JADE2: variants seen among roughly 807,000 people sequenced by gnomAD.
JADE2 encodes jade family PHD finger 2.
In JADE2, 13 loss-of-function variants were observed where a neutral mutation model predicts 85.7. That is an observed-to-expected ratio of 0.15 (90% CI 0.10 to 0.24). The LOEUF (loss-of-function observed/expected upper bound fraction) is 0.24, where lower values mean the gene tolerates loss of function less well. Ranked by LOEUF, JADE2 falls within the 10% of genes least tolerant of loss-of-function variation. The pLI, the probability that JADE2 is intolerant of heterozygous loss-of-function variation, is 1.00. For synonymous variants in JADE2, 440 were observed against 456.1 expected, an observed-to-expected ratio of 0.96 and a Z score of 0.45; for missense variants, 846 against 1,115.9, an observed-to-expected ratio of 0.76 and a Z score of 3.45.
At chr5:134,527,830 G>C (rs1366428036) in intron 1 of JADE2, among the ~76,000 whole-genome samples, 1 of 152,204 alleles carries the variant, frequency 6.6e-6, no homozygotes, top group Non-Finnish European at 1.5e-5. Flanking sequence ...GGCTGGGGGA[G>C]GTGAAGGGTC....
rs913665695 is a variant in JADE2 at position 134,576,843 on chromosome 5, C to CCT, written c.1628_1629insCT (p.Glu544LeufsTer7). 1.7e-5 allele frequency: 26 copies of CCT among 1,550,260 alleles called. No individual in the cohort carries two copies. Among genetic ancestry groups the CCT allele is most frequent in the Non-Finnish European group, 2.2e-5 (25 of 1,146,868 alleles). ...GGCTGCGAGGGCTCCAAGGGCAGCA[C>CCT]TGAGAAGAAAGAGAAAGTGAAGGCG... On this transcript the variant is annotated frameshift_variant, in exon 11 of 12. Coordinates refer to ENST00000681547, the MANE Select transcript of JADE2 (RefSeq NM_001388185.1). LOFTEE classifies it high-confidence loss of function.
At position 134,567,051 on chromosome 5, in the gene JADE2, C is replaced by T. The variant is rs1763687610; in HGVS notation, c.1434+471C>T. Among the ~76,000 whole-genome samples the T allele has an allele frequency of 2.0e-5, 3 of 152,240 alleles. No homozygotes were observed. The South Asian group carries it at 6.2e-4, about 31-fold the overall frequency. On this transcript the variant is annotated intron_variant, in intron 9 of 11. Coordinates refer to ENST00000681547, the MANE Select transcript of JADE2 (RefSeq NM_001388185.1). ...GCTGAAAGCCAGGGGCATCAAGAGC[C>T]AGGAGCAGCCAAACAGGCACGTGCC...
chr5:134,556,178 C>T (rs1430452253), intron 4 of JADE2, among the ~76,000 whole-genome samples: 2 of 152,224 alleles, frequency 1.3e-5, no homozygotes, highest in African/African-American at 4.8e-5. Flanking sequence ...CCCCCGACCC[C>T]AGGATGCCTC....
In JADE2 at chr5:134,578,818, C is replaced by G; in HGVS notation, c.2006C>G (p.Pro669Arg). The G allele has an allele frequency of 6.2e-7, 1 of 1,613,776 alleles. No homozygotes were observed. The highest frequency in any genetic ancestry group is 8.5e-7 in the Non-Finnish European group (1 of 1,180,020). ...PGSRTTPDKA[P>R]KKTWGQDAGS... Reference sequence around the variant, plus strand: ...TCACGGACGACTCCAGACAAAGCCCCCAAGAAGACCTGGGGCCAGGATGCA... The same window carrying G: ...TCACGGACGACTCCAGACAAAGCCCGCAAGAAGACCTGGGGCCAGGATGCA... The change falls in exon 12 of 12, where the codon CCC becomes CGC. Residue 669 changes from proline (P) to arginine (R), a missense_variant. By Grantham distance (103) the Pro-to-Arg change is moderately radical (BLOSUM62 -2). Transcript: ENST00000681547. This position sits in a 1 kb window ranked among gnomAD's most constrained non-coding sequence, Gnocchi z 4.4.
At chr5:134,548,027 A>G (rs1002297033) in intron 3 of JADE2, among the ~76,000 whole-genome samples, 1 of 152,202 alleles carries the variant, frequency 6.6e-6, no homozygotes, top group Admixed American at 6.5e-5. Context: ...TACTCTGGCA[A>G]GGGAGTAGTG....
chr5:134,578,573 G>A lies in JADE2; in HGVS notation c.1761G>A (p.Glu587=), dbSNP rs757738868. ...CACAGTCGGTGCAGATCACAGCAGA[G>A]AACATGGCCATGAGCGAGTGGCCAC... is the stretch of plus-strand genomic sequence containing the variant. ...WLAQSVQITA[E]NMAMSEWPLN... Residue 587 remains glutamate, a synonymous_variant, in exon 12 of 12, where the codon GAG becomes GAA. Coordinates refer to ENST00000681547, the MANE Select transcript of JADE2 (RefSeq NM_001388185.1). This position sits in a 1 kb window ranked among gnomAD's most constrained non-coding sequence, Gnocchi z 4.4. The A allele has an allele frequency of 6.2e-7, 1 of 1,614,054 alleles. No individual in the cohort carries two copies.
chr5:134,558,634 G>T (rs1581448035), intron 4 of JADE2, among the ~76,000 whole-genome samples: 1 of 152,242 alleles, frequency 6.6e-6, no homozygotes. Flanking sequence ...CGCCTCCCGG[G>T]TTCAAGCAAT....
intron 1 of JADE2, among the ~76,000 whole-genome samples, chr5:134,529,271 C>A (rs72798643): frequency 1.3e-5 from 2 of 152,158 alleles, no homozygotes; most frequent in Non-Finnish European, 2.9e-5. Flanking sequence ...TTGCCCTGTC[C>A]TCCAGATAGG....
In JADE2 at chr5:134,538,010, C is replaced by T. The variant is rs1187929102; in HGVS notation, c.80C>T (p.Ala27Val). ...GCAGGTCATGCGACATCTACATCCG[C>T]ATCAAGATGCTCCAAACTGCCCAGC... Reference protein sequence around the residue: ...TTDSHATSTSASRCSKLPSST... With the variant: ...TTDSHATSTSVSRCSKLPSST... Residue 27 changes from alanine (A) to valine (V), a missense_variant, in exon 3 of 12, where the codon GCA (alanine) becomes GTA (valine). Physicochemically the swap from Ala to Val is moderately conservative, Grantham distance 64. Transcript: ENST00000681547. The T allele has an allele frequency of 6.2e-7, 1 of 1,614,144 alleles. No individual in the cohort carries two copies.
Position 134,580,441 on chromosome 5 carries a change from G to T in JADE2, c.*1124G>T, listed in dbSNP as rs1477740791. 1 of 43,548 alleles carries T rather than the reference G, an allele frequency of 2.3e-5. No individual in the cohort carries two copies. The highest frequency in any genetic ancestry group is 5.3e-4 in the East Asian group (1 of 1,888). 2.7% of individuals were successfully genotyped at this position (43,548 alleles called of 1,614,324 possible). A position where few individuals can be genotyped will look rare whatever the true frequency, so the allele number is the denominator to read the frequency against. On this transcript the variant is annotated 3_prime_UTR_variant, in exon 12 of 12. Coordinates refer to ENST00000681547, the MANE Select transcript of JADE2 (RefSeq NM_001388185.1). Reference sequence around the variant, plus strand: ...GCACAGCCATCCCCCCCCCCGTCCTGCCATCCCCCCCCGCCGTCCTGCCTT... The same window carrying T: ...GCACAGCCATCCCCCCCCCCGTCCTTCCATCCCCCCCCGCCGTCCTGCCTT...
intron 3 of JADE2, among the ~76,000 whole-genome samples, chr5:134,540,841 C>A (rs1430050850): frequency 1.3e-5 from 2 of 152,210 alleles, no homozygotes; most frequent in African/African-American, 4.8e-5. Context: ...GATGGGCCAC[C>A]TCCCAGGCGC....
chr5:134,543,467 G>C (rs1317536958), intron 3 of JADE2, among the ~76,000 whole-genome samples: 1 of 150,390 alleles, frequency 6.6e-6, no homozygotes, highest in East Asian at 2.1e-4. Context: ...TAGGTCAGGA[G>C]TTCAAGACCA....
At chr5:134,573,598 G>A (rs1445594302) in intron 9 of JADE2, 47 bp from the exon 10 acceptor site, 1 of 1,364,942 alleles carries the variant, frequency 7.3e-7, no homozygotes, top group East Asian at 2.3e-5. Flanking sequence ...GGGAGGTCTG[G>A]GGTGGTTGCC....
chr5:134,573,913 T>C, intron 10 of JADE2, 151 bp downstream of exon 10: 1 of 729,834 alleles, frequency 1.4e-6, no homozygotes, highest in South Asian at 1.4e-5. Context: ...ACCATCCAAT[T>C]AGTAGGCCCA....
intron 1 of JADE2, 163 bp downstream of exon 1, chr5:134,526,174 G>A (rs553397092): frequency 1.7e-4 from 164 of 985,302 alleles, no homozygotes; most frequent in Middle Eastern, 5.2e-4. Flanking sequence ...GCGCGGAGAG[G>A]GGGGGGATGC....
intron 9 of JADE2, among the ~76,000 whole-genome samples, chr5:134,571,984 T>C (rs915031259): frequency 8.5e-5 from 13 of 152,238 alleles, no homozygotes; most frequent in Non-Finnish European, 1.0e-4. Flanking sequence ...CTGTCAGTAG[T>C]TGGTCAGCAC....
chr5:134,579,471 T>C lies in JADE2; in HGVS notation c.*154T>C. 1 of 624,180 alleles carries C rather than the reference T, an allele frequency of 1.6e-6. No homozygotes were observed. The allele number at this position is 624,180 out of a possible 1,614,324, so 38.7% of individuals were successfully genotyped here. A position where few individuals can be genotyped will look rare whatever the true frequency, so the allele number is the denominator to read the frequency against. ...TTTTTAATATAGAGAGAGTTTTGAATTCTACACTGTTGTCTTTCCTCTGTG... is the reference window on the plus strand; with the variant it reads ...TTTTTAATATAGAGAGAGTTTTGAACTCTACACTGTTGTCTTTCCTCTGTG... On this transcript the variant is annotated 3_prime_UTR_variant, in exon 12 of 12. Coordinates refer to ENST00000681547, the MANE Select transcript of JADE2 (RefSeq NM_001388185.1). The surrounding 1 kb of genome is among the most constrained non-coding windows in gnomAD (Gnocchi z 4.6).
At chr5:134,534,324 G>T (rs1761447866) in intron 1 of JADE2, among the ~76,000 whole-genome samples, 1 of 152,030 alleles carries the variant, frequency 6.6e-6, no homozygotes, top group South Asian at 2.1e-4. Context: ...GCGCTTAGCA[G>T]TCTTAGCCAT....
At chr5:134,527,668 C>T (rs1023283897) in intron 1 of JADE2, among the ~76,000 whole-genome samples, 13 of 151,562 alleles carry the variant, frequency 8.6e-5, no homozygotes, top group Non-Finnish European at 4.4e-5. Flanking sequence ...CTCCGGCGGT[C>T]GGAATCACGC....
Sources: allele counts gnomAD v4.1 joint callset (sites outside exome capture counted in the v4.1 genomes callset), GRCh38; gene constraint gnomAD v4.1.1; non-coding constraint Gnocchi (gnomAD v3.1); transcripts MANE v1.5; gene names NCBI Gene and HGNC (gene_info 2026-07-23, HGNC 2026-07-21).